Variants in CSMD3 observed in about 807,000 individuals in gnomAD.
The protein encoded by CSMD3 is CUB and sushi domain-containing protein 3.
CSMD3 carries 177 observed loss-of-function variants against 435.2 expected under a neutral mutation model. The ratio of observed to expected loss-of-function variants is 0.41; its 90% CI spans 0.36 to 0.46. The LOEUF (loss-of-function observed/expected upper bound fraction) is 0.46. CSMD3 is among the 20% of genes least tolerant of loss of function. CSMD3 has a pLI of 0.34. For missense variants in CSMD3, 4,265 were observed against 4,504.6 expected, an observed-to-expected ratio of 0.95 and a Z score of 1.52; for synonymous variants, 1,656 against 1,520.5, an observed-to-expected ratio of 1.09 and a Z score of -2.07.
chr8:113,175,654 A>C (rs2131900267), intron 3 of CSMD3, among the ~76,000 whole-genome samples: 1 of 152,098 alleles, frequency 6.6e-6, no homozygotes, highest in Admixed American at 6.6e-5. Context: ...TTGGAAAATT[A>C]TTTGATTAAT....
At chr8:112,500,120 A>G (rs2123495) in intron 30 of CSMD3, among the ~76,000 whole-genome samples, 51,944 of 151,904 alleles carry the variant, frequency 0.34, 9,054 homozygotes, top group East Asian at 0.5. Flanking sequence ...AAAAAAAAAC[A>G]AAAGCAGTAT....
chr8:112,936,044 T>G (rs1455839657), intron 9 of CSMD3, among the ~76,000 whole-genome samples: 1 of 152,096 alleles, frequency 6.6e-6, no homozygotes, highest in East Asian at 1.9e-4. Context: ...GAGGTGCAAC[T>G]AAGAGTAGTT....
intron 5 of CSMD3, among the ~76,000 whole-genome samples, chr8:113,028,184 T>C (rs1481065964): frequency 6.6e-6 from 1 of 152,150 alleles, no homozygotes; most frequent in Non-Finnish European, 1.5e-5. Flanking sequence ...ATTTCTGTTA[T>C]GGTGATGTAT....
chr8:112,482,625 GT>G (rs1819739899), intron 31 of CSMD3, among the ~76,000 whole-genome samples: 1 of 152,128 alleles, frequency 6.6e-6, no homozygotes, highest in Admixed American at 6.6e-5. Context: ...ATTATTGGCA[GT>G]TTTTGAAACT....
intron 38 of CSMD3, among the ~76,000 whole-genome samples, chr8:112,362,000 A>T (rs921562661): frequency 6.6e-6 from 1 of 151,936 alleles, no homozygotes; most frequent in African/African-American, 2.4e-5. Context: ...TTTTAAAAAG[A>T]TATACCAAAA....
At chr8:112,630,424 T>C (rs2074482700) in intron 22 of CSMD3, among the ~76,000 whole-genome samples, 1 of 152,124 alleles carries the variant, frequency 6.6e-6, no homozygotes, top group African/African-American at 2.4e-5. Flanking sequence ...CTGTAGTTAA[T>C]CACCTAGTCA....
Position 112,872,105 on chromosome 8 carries a change from G to T in CSMD3, c.1634-12839C>A, listed in dbSNP as rs554444397. Among the ~76,000 whole-genome samples, 5 of 152,132 alleles carry T rather than the reference G, an allele frequency of 3.3e-5. No individual in the cohort carries two copies. In the South Asian group the frequency reaches 1.0e-3, roughly 32 times the overall value. ...AATTAGAATTCTCAGATTCTTGACA[G>T]TTGGTCATGAAATATACAAACACAA... On this transcript the variant is annotated intron_variant, in intron 10 of 70. Transcript: ENST00000297405.
At chr8:113,138,893 T>C (rs1325467024) in intron 4 of CSMD3, among the ~76,000 whole-genome samples, 1 of 151,044 alleles carries the variant, frequency 6.6e-6, no homozygotes, top group East Asian at 1.9e-4. Flanking sequence ...ATATGTCACA[T>C]AATACTAAAG....
At chr8:112,526,517 A>G (rs915755327) in intron 27 of CSMD3, among the ~76,000 whole-genome samples, 2 of 152,048 alleles carry the variant, frequency 1.3e-5, no homozygotes, top group African/African-American at 4.8e-5. Context: ...TGTGATGGGT[A>G]ATTATTACAA....
rs566462646 is a variant in CSMD3, at chr8:113,117,859, T to C, written c.710-18896A>G. 8.5e-5 allele frequency among the ~76,000 whole-genome samples: 13 copies of C among 152,348 alleles called. No homozygotes were observed. The South Asian group carries it at 2.5e-3, about 29-fold the overall frequency. On this transcript the variant is annotated intron_variant, in intron 4 of 70. Transcript: ENST00000297405. ...CATGGGGCCTGTAATCCCTTTGTTT[T>C]GGCCAATTTCTCCCACTTGGAGCAG...
intron 32 of CSMD3, among the ~76,000 whole-genome samples, chr8:112,466,939 G>T (rs759195706): frequency 6.6e-6 from 1 of 152,110 alleles, no homozygotes. Flanking sequence ...AAGGAAAGAT[G>T]TTTCTAGATT....
intron 9 of CSMD3, among the ~76,000 whole-genome samples, chr8:112,930,086 A>G (rs2083057404): frequency 6.6e-6 from 1 of 152,112 alleles, no homozygotes; most frequent in South Asian, 2.1e-4. Context: ...ATTTAATGCT[A>G]TATTGTTTAG....
intron 22 of CSMD3, among the ~76,000 whole-genome samples, chr8:112,627,506 C>G (rs1226872915): frequency 6.6e-6 from 1 of 152,134 alleles, no homozygotes; most frequent in Non-Finnish European, 1.5e-5. Flanking sequence ...GTAATTCAAA[C>G]TCTCTTTTAA....
At chr8:113,200,262 T>G (rs1225155403) in intron 3 of CSMD3, among the ~76,000 whole-genome samples, 3 of 151,798 alleles carry the variant, frequency 2.0e-5, no homozygotes, top group Non-Finnish European at 2.9e-5. Flanking sequence ...TACTGCACAT[T>G]TGCGCCCTTC....
intron 1 of CSMD3, among the ~76,000 whole-genome samples, chr8:113,397,602 G>A (rs533207261): frequency 1.4e-4 from 22 of 152,002 alleles, no homozygotes; most frequent in Non-Finnish European, 2.6e-4. Flanking sequence ...GGAACACGAG[G>A]TCAGGAGATC....
intron 32 of CSMD3, among the ~76,000 whole-genome samples, chr8:112,463,920 G>A: frequency 6.6e-6 from 1 of 152,138 alleles, no homozygotes; most frequent in African/African-American, 2.4e-5. Context: ...CCTAAAAGAA[G>A]ATGACTCACT....
rs528172970 is a variant in CSMD3, at chr8:112,966,437, C to G, written c.1342+9400G>C. ...TTGATTTGGCATCAACTTTTGTATA[C>G]TTTTCTTTTTTCTCTTTATTTTCTT... On this transcript the variant is annotated intron_variant, in intron 7 of 70. Coordinates refer to ENST00000297405, the MANE Select transcript of CSMD3 (RefSeq NM_198123.2). Among the ~76,000 whole-genome samples, 15 of 151,242 alleles carry G rather than the reference C, an allele frequency of 9.9e-5. No homozygotes were observed. The South Asian group carries it at 3.1e-3, about 31-fold the overall frequency.
At chr8:112,862,863 T>A (rs2080864014) in intron 10 of CSMD3, among the ~76,000 whole-genome samples, 1 of 152,056 alleles carries the variant, frequency 6.6e-6, no homozygotes. Flanking sequence ...AAAAATAATA[T>A]TAAAAAGAGA....
At chr8:113,307,420 A>C (rs1270205142) in intron 2 of CSMD3, among the ~76,000 whole-genome samples, 1 of 152,140 alleles carries the variant, frequency 6.6e-6, no homozygotes, top group Non-Finnish European at 1.5e-5. Context: ...TATAAAGCTA[A>C]CACTCTAAAC....
Sources: allele counts gnomAD v4.1 joint callset (sites outside exome capture counted in the v4.1 genomes callset), GRCh38; gene constraint gnomAD v4.1.1; transcripts MANE v1.5; gene names NCBI Gene and HGNC (gene_info 2026-07-23, HGNC 2026-07-21).